Variants in MAP7D2 observed in about 807,000 individuals in gnomAD.
MAP7D2 encodes MAP7 domain-containing protein 2.
In MAP7D2, 33 loss-of-function variants were observed where a neutral mutation model predicts 63.5. The observed-to-expected ratio is 0.52, with a 90% CI of 0.39 to 0.70. MAP7D2 has a LOEUF of 0.70. Ranked by LOEUF, MAP7D2 falls within the 30% of genes least tolerant of loss-of-function variation. MAP7D2 has a pLI of 0.00. For missense variants in MAP7D2, 626 were observed against 604.0 expected (o/e 1.04, Z -0.38); for synonymous variants, 224 against 223.7 (o/e 1.00, Z -0.01).
At chrX:20,038,186 G>A (rs1358967421) in intron 8 of MAP7D2, among the ~76,000 whole-genome samples, 1 of 111,985 alleles carries the variant, frequency 8.9e-6, no homozygotes, top group African/African-American at 3.2e-5. Context: ...GTTTGTACTC[G>A]CTGGAATAGA....
In MAP7D2 at chrX:20,027,758, G is replaced by T. The variant is rs1331042792; in HGVS notation, c.1008-1806C>A. Among the ~76,000 whole-genome samples, 28 of 38,603 alleles carry T rather than the reference G, an allele frequency of 7.3e-4. 1 individual carries two copies. Among genetic ancestry groups the T allele is most frequent in the Admixed American group, 6.3e-3 (28 of 4,456 alleles). The allele number at this position is 38,603 out of a possible 115,157, so 33.5% of individuals were successfully genotyped here. On this transcript the variant is annotated intron_variant, in intron 8 of 16. Coordinates refer to ENST00000379643, the MANE Select transcript of MAP7D2 (RefSeq NM_001168465.2). ...GAGAGAGGGAGAGAGAAGGCGGGGG[G>T]AGAGAGAGAGAGAGAGAGAGAGAGA...
At chrX:20,014,441 G>A (rs1255235087) in intron 12 of MAP7D2, among the ~76,000 whole-genome samples, 1 of 111,000 alleles carries the variant, frequency 9.0e-6, no homozygotes, top group African/African-American at 3.3e-5. Flanking sequence ...GGTGGTGTGC[G>A]CCTGTAATCC....
intron 1 of MAP7D2, among the ~76,000 whole-genome samples, chrX:20,086,951 A>G (rs909839939): frequency 9.0e-6 from 1 of 111,441 alleles, no homozygotes; most frequent in African/African-American, 3.3e-5. Context: ...TAACAAATCT[A>G]TGCAGTAAGT....
intron 8 of MAP7D2, among the ~76,000 whole-genome samples, chrX:20,026,383 G>A (rs2073845267): frequency 9.0e-6 from 1 of 111,462 alleles, no homozygotes; most frequent in Non-Finnish European, 1.9e-5. Flanking sequence ...ATTTTTAAGT[G>A]TACAGTTCAG....
intron 9 of MAP7D2, among the ~76,000 whole-genome samples, chrX:20,025,384 G>C (rs371116772): frequency 8.9e-6 from 1 of 112,192 alleles, no homozygotes; most frequent in Non-Finnish European, 1.9e-5. Context: ...AAGCCTGAAA[G>C]TCTAAAGGAA....
intron 1 of MAP7D2, among the ~76,000 whole-genome samples, chrX:20,110,092 CTTT>C (rs1045247492): frequency 2.1e-5 from 2 of 94,985 alleles, no homozygotes; most frequent in Non-Finnish European, 2.1e-5. Context: ...GTTGCACAGA[CTTT>C]TTTTTTTTTT....
At position 20,064,769 on chromosome X, in the gene MAP7D2, C is replaced by T. The variant is rs142758918; in HGVS notation, c.167G>A (p.Arg56Lys). ...EGFLKSDERQ[R>K]LAKERREERE... ...TTCTTCTCGTCTTTCTTTGGCCAAT[C>T]TCTGCCTCTCATCTGATTTCAAAAA... Residue 56 changes from arginine to lysine, a missense_variant, in exon 2 of 17, where the codon AGA (arginine) becomes AAA (lysine). Coordinates refer to ENST00000379643, the MANE Select transcript of MAP7D2 (RefSeq NM_001168465.2). The T allele has an allele frequency of 8.3e-7, 1 of 1,211,300 alleles. No homozygotes were observed. The highest frequency in any genetic ancestry group is 1.1e-6 in the Non-Finnish European group (1 of 894,971).
intron 4 of MAP7D2, among the ~76,000 whole-genome samples, chrX:20,054,587 C>G (rs1028314981): frequency 1.1e-4 from 12 of 110,393 alleles, no homozygotes; most frequent in African/African-American, 4.0e-4. Flanking sequence ...CTGCACCTTT[C>G]TTTTTTCTTT....
chrX:20,042,950 A>G (rs900664100), intron 7 of MAP7D2, among the ~76,000 whole-genome samples: 1 of 112,221 alleles, frequency 8.9e-6, no homozygotes, highest in African/African-American at 3.2e-5. Flanking sequence ...CACTACAAAA[A>G]AATTACAGGT....
intron 1 of MAP7D2, among the ~76,000 whole-genome samples, chrX:20,107,688 C>T (rs1450318365): frequency 9.0e-6 from 1 of 111,312 alleles, no homozygotes; most frequent in Admixed American, 9.6e-5. Flanking sequence ...AATGTGTCTA[C>T]TAGAAAAATT....
intron 1 of MAP7D2, among the ~76,000 whole-genome samples, chrX:20,098,625 G>A (rs990902232): frequency 1.8e-5 from 2 of 111,411 alleles, no homozygotes; most frequent in African/African-American, 3.3e-5. Flanking sequence ...GACCCAGGAG[G>A]TGAAGGGTAC....
chrX:20,116,535 G>A (rs1449831734), intron 1 of MAP7D2: 3 of 917,582 alleles, frequency 3.3e-6, no homozygotes, highest in Non-Finnish European at 4.1e-6. Context: ...ACTCACCCAG[G>A]TCGCCCCAAG....
chrX:20,037,309 T>C lies in MAP7D2; in HGVS notation c.1007+5193A>G, dbSNP rs193047707. On this transcript the variant is annotated intron_variant, in intron 8 of 16. Transcript: ENST00000379643. ...TCTATCATCAAGTGGAAATGGTATA[T>C]ACATGATCGGGCTCGAGCAGGTCCT... is the stretch of plus-strand genomic sequence containing the variant. Among the ~76,000 whole-genome samples, 550 of 111,347 alleles carry C rather than the reference T, an allele frequency of 4.9e-3. 1 individual carries two copies. The highest frequency in any genetic ancestry group is 8.9e-3 in the Non-Finnish European group (472 of 53,024).
Position 20,016,067 on chromosome X carries a change from A to G in MAP7D2, c.1644+27T>C, listed in dbSNP as rs753847613. On this transcript the variant is annotated intron_variant, in intron 11 of 16. Transcript: ENST00000379643. ...TATCAAGGTCCTTAAAAAACAAGTA[A>G]AGTCCATCTGAGGACTCATACAGTA... The G allele has an allele frequency of 5.2e-6, 6 of 1,152,985 alleles. No individual in the cohort carries two copies. The African/African-American group carries it at 1.1e-4, about 21-fold the overall frequency.
intron 1 of MAP7D2, among the ~76,000 whole-genome samples, chrX:20,071,935 T>G (rs1344633889): frequency 9.0e-6 from 1 of 110,968 alleles, no homozygotes; most frequent in Non-Finnish European, 1.9e-5. Flanking sequence ...TGATTACAGG[T>G]GTGCACCACC....
intron 15 of MAP7D2, 66 bp downstream of exon 15, chrX:20,012,283 C>A: frequency 1.1e-6 from 1 of 890,619 alleles, no homozygotes; most frequent in African/African-American, 2.0e-5. Flanking sequence ...GACGAAGAAA[C>A]CAACTAAAAG....
chrX:20,023,931 G>A (rs1435046623), intron 10 of MAP7D2, among the ~76,000 whole-genome samples: 1 of 112,078 alleles, frequency 8.9e-6, no homozygotes, highest in Non-Finnish European at 1.9e-5. Context: ...TTCAAGAAGG[G>A]ACTGTCGAGA....
At chrX:20,062,541 A>G (rs2065249073) in intron 3 of MAP7D2, among the ~76,000 whole-genome samples, 1 of 111,733 alleles carries the variant, frequency 8.9e-6, no homozygotes, top group Non-Finnish European at 1.9e-5. Flanking sequence ...CAGAGATTTT[A>G]AAAAATACTG....
chrX:20,008,208 T>C lies in MAP7D2; in HGVS notation c.*217A>G, dbSNP rs2073065256. ...ATAAACAGAACTGTAAAAGGAAACT[T>C]TGCTAAAGCCCAGCAAGGTGAAAGT... On this transcript the variant is annotated 3_prime_UTR_variant, in exon 17 of 17. Transcript: ENST00000379643. 8.9e-6 allele frequency: 1 copy of C among 112,070 alleles called. No individual in the cohort carries two copies. Among genetic ancestry groups the C allele is most frequent in the Non-Finnish European group, 1.9e-5 (1 of 53,234 alleles). 9.2% of individuals were successfully genotyped at this position (112,070 alleles called of 1,213,427 possible).
Sources: gnomAD v4.1 joint callset for allele counts (sites outside exome capture counted in the v4.1 genomes callset) on GRCh38, gnomAD v4.1.1 for gene constraint, MANE v1.5 for transcripts, NCBI Gene and HGNC (gene_info 2026-07-23, HGNC 2026-07-21) for gene names.